The following CPNE5 variants were observed in gnomAD, a reference collection of about 807,000 sequenced individuals.
CPNE5 encodes the protein copine 5, also known as copine-5.
Under a neutral mutation model 81.1 loss-of-function variants are expected in CPNE5, and 42 were observed. That is an observed-to-expected ratio of 0.52 (90% CI 0.40 to 0.67). The LOEUF is 0.67. Among genes scored for constraint, CPNE5 ranks in the 30% least tolerant of loss-of-function variants. CPNE5 has a pLI of 0.00. For missense variants in CPNE5, 612 were observed against 815.5 expected (o/e 0.75, Z 3.04); for synonymous variants, 313 against 321.5 (o/e 0.97, Z 0.28).
At chr6:36,826,116 CT>C (rs1284776481) in intron 1 of CPNE5, among the ~76,000 whole-genome samples, 1 of 152,070 alleles carries the variant, frequency 6.6e-6, no homozygotes, top group African/African-American at 2.4e-5. Flanking sequence ...GAGTGAGGCC[CT>C]GGATATCAGC....
chr6:36,831,638 CAAA>C (rs35409136), intron 1 of CPNE5, among the ~76,000 whole-genome samples: 4 of 83,926 alleles, frequency 4.8e-5, no homozygotes, highest in East Asian at 3.8e-4. Flanking sequence ...GACACCATCT[CAAA>C]AAAAAAAAAA....
At chr6:36,767,296 C>G (rs1766646725) in intron 10 of CPNE5, among the ~76,000 whole-genome samples, 1 of 152,178 alleles carries the variant, frequency 6.6e-6, no homozygotes, top group African/African-American at 2.4e-5. Flanking sequence ...AGGTCCAGCT[C>G]TGGGCAAGAC....
chr6:36,822,780 G>A (rs1462405336), intron 2 of CPNE5, among the ~76,000 whole-genome samples: 1 of 152,196 alleles, frequency 6.6e-6, no homozygotes, highest in African/African-American at 2.4e-5. Flanking sequence ...GGAGCTCTTA[G>A]GCCTACTGGT....
intron 12 of CPNE5, among the ~76,000 whole-genome samples, chr6:36,758,302 G>A (rs236442): frequency 0.032 from 4,803 of 150,952 alleles, 186 homozygotes; most frequent in African/African-American, 0.093. Context: ...TTTCTAAGAC[G>A]GGGTCTTGCT....
In CPNE5 at chr6:36,835,600, A is replaced by T. The variant is rs139007077; in HGVS notation, c.95+3683T>A. The stretch of plus-strand genomic sequence containing the variant: ...CACCTGAGGTCAAGAGTTCGAGACC[A>T]GCCTGGCCAACATGGTGAAACCTTG... On this transcript the variant is annotated intron_variant, in intron 1 of 20. Transcript: ENST00000244751. Among the ~76,000 whole-genome samples the T allele has an allele frequency of 4.5e-3, 689 of 152,326 alleles. 12 individuals carry two copies. Among genetic ancestry groups the T allele is most frequent in the Middle Eastern group, 0.02 (6 of 294 alleles).
intron 7 of CPNE5, chr6:36,792,351 TG>T (rs1017241551): frequency 6.6e-7 from 1 of 1,513,670 alleles, no homozygotes; most frequent in Non-Finnish European, 8.8e-7. Flanking sequence ...GGAAGGGTAG[TG>T]CCTGCAGTGA....
At chr6:36,743,886 C>T (rs537293914) in intron 19 of CPNE5, 124 bp from the exon 20 acceptor site, 7 of 843,224 alleles carry the variant, frequency 8.3e-6, no homozygotes, top group South Asian at 3.0e-5. Flanking sequence ...GCCCATGCCC[C>T]GTGTTAGAGA....
At chr6:36,759,651 G>A (rs1448788079) in intron 12 of CPNE5, among the ~76,000 whole-genome samples, 2 of 152,128 alleles carry the variant, frequency 1.3e-5, no homozygotes, top group Admixed American at 6.5e-5. Flanking sequence ...GCTCTGGGGT[G>A]GGGCGGGTGT....
chr6:36,784,711 G>A (rs893766730), intron 8 of CPNE5, among the ~76,000 whole-genome samples: 2 of 152,196 alleles, frequency 1.3e-5, no homozygotes, highest in African/African-American at 4.8e-5. Context: ...GGAGGCCGAA[G>A]TAGGAGGATC....
At position 36,745,641 on chromosome 6, in the gene CPNE5, G is replaced by A. The variant is rs139312642; in HGVS notation, c.1201-126C>T. On this transcript the variant is annotated intron_variant, in intron 16 of 20. Transcript: ENST00000244751. ...TCCCCCAGGTCTTCTCTGGTGTGGG[G>A]TGGCGGGGCAGGGGAGGGAGCTCCC... 6.2e-4 allele frequency: 695 copies of A among 1,121,604 alleles called. 2 individuals carry two copies. Among genetic ancestry groups the A allele is most frequent in the Middle Eastern group, 3.4e-3 (14 of 4,106 alleles). The allele number at this position is 1,121,604 out of a possible 1,614,324, so 69.5% of individuals were successfully genotyped here.
intron 9 of CPNE5, 84 bp downstream of exon 9, chr6:36,778,770 C>T (rs1767767976): frequency 2.1e-6 from 2 of 942,878 alleles, no homozygotes; most frequent in African/African-American, 3.2e-5. Context: ...AGCCACCCTG[C>T]CTGGCAAGTC....
At chr6:36,802,489 T>G (rs150613214) in intron 3 of CPNE5, among the ~76,000 whole-genome samples, 52 of 152,254 alleles carry the variant, frequency 3.4e-4, no homozygotes, top group Admixed American at 2.6e-3. Flanking sequence ...TCCACCACAC[T>G]GTATGCTCCA....
chr6:36,798,860 A>C (rs758481220), intron 4 of CPNE5, among the ~76,000 whole-genome samples: 10 of 152,300 alleles, frequency 6.6e-5, no homozygotes, highest in Middle Eastern at 3.4e-3. Flanking sequence ...TCACTTACAG[A>C]GTTCTCCATC....
chr6:36,833,353 G>T (rs1422036006), intron 1 of CPNE5, among the ~76,000 whole-genome samples: 3 of 152,226 alleles, frequency 2.0e-5, no homozygotes, highest in Admixed American at 6.5e-5. Flanking sequence ...CAAGATTCCA[G>T]TCTCGTGGCA....
At chr6:36,743,134 T>C in intron 20 of CPNE5, 2 of 985,446 alleles carry the variant, frequency 2.0e-6, no homozygotes, top group Non-Finnish European at 2.4e-6. Context: ...ATGTCAGCTT[T>C]GTCTTCTGCA....
Position 36,798,518 on chromosome 6 carries a change from T to C in CPNE5, c.288-24A>G, listed in dbSNP as rs763547653. Reference sequence around the variant, plus strand: ...ATCTGCAGGGAACACAGAGAAACGATGAAGGCAGCTGCGGACGTTCTGCCC... The same window carrying C: ...ATCTGCAGGGAACACAGAGAAACGACGAAGGCAGCTGCGGACGTTCTGCCC... On this transcript the variant is annotated intron_variant, in intron 4 of 20. Transcript: ENST00000244751. 1.6e-5 allele frequency: 26 copies of C among 1,612,502 alleles called. No individual in the cohort carries two copies. The African/African-American group carries it at 1.7e-4, about 11-fold the overall frequency.
chr6:36,758,795 G>A (rs933171363), intron 12 of CPNE5, among the ~76,000 whole-genome samples: 6 of 152,210 alleles, frequency 3.9e-5, no homozygotes, highest in Admixed American at 6.5e-5. Context: ...GGAAGTTCAC[G>A]TGGGAGGTCT....
At chr6:36,769,424 C>T (rs138961082) in intron 10 of CPNE5, among the ~76,000 whole-genome samples, 36 of 152,348 alleles carry the variant, frequency 2.4e-4, no homozygotes, top group East Asian at 5.8e-4. Context: ...CCAGCCAAAA[C>T]GCCAGGCTGC....
intron 16 of CPNE5, 72 bp from the exon 17 acceptor site, chr6:36,745,587 T>C (rs1399862072): frequency 2.0e-6 from 3 of 1,492,998 alleles, no homozygotes; most frequent in African/African-American, 1.4e-5. Context: ...GGGAACTGAG[T>C]CCAGGTGGGG....
Sources: allele counts gnomAD v4.1 joint callset (sites outside exome capture counted in the v4.1 genomes callset), GRCh38; gene constraint gnomAD v4.1.1; transcripts MANE v1.5; gene names NCBI Gene and HGNC (gene_info 2026-07-23, HGNC 2026-07-21).